SPIDR: variants seen among roughly 807,000 people sequenced by gnomAD.
SPIDR encodes DNA repair-scaffolding protein.
Under a neutral mutation model 104.6 loss-of-function variants are expected in SPIDR, and 93 were observed. The observed-to-expected ratio is 0.89, with a 90% CI of 0.75 to 1.06. The LOEUF is 1.06. Ranked by LOEUF, SPIDR falls within the 50% of genes least tolerant of loss-of-function variation. SPIDR has a pLI of 0.00. For missense variants in SPIDR, 1,154 were observed against 1,111.2 expected (o/e 1.04, Z -0.55); for synonymous variants, 431 against 416.9 (o/e 1.03, Z -0.41).
At chr8:47,612,698 A>G (rs2063755217) in intron 10 of SPIDR, among the ~76,000 whole-genome samples, 1 of 152,356 alleles carries the variant, frequency 6.6e-6, no homozygotes, top group South Asian at 2.1e-4. Context: ...ATGAAGCCAC[A>G]TACCTGTGAG....
At chr8:47,423,303 A>C (rs1263870578) in intron 7 of SPIDR, among the ~76,000 whole-genome samples, 3 of 151,898 alleles carry the variant, frequency 2.0e-5, no homozygotes, top group African/African-American at 7.3e-5. Flanking sequence ...TCTCAAAAAA[A>C]AAAAAAAAAT....
Position 47,299,410 on chromosome 8 carries a change from A to G in SPIDR, c.525+5380A>G, listed in dbSNP as rs1363717642. On this transcript the variant is annotated intron_variant, in intron 5 of 19. Transcript: ENST00000297423. ...GTCATCTGCAAACAGGGACAATTTGACTTCCTCTTTTCCTAATTGAATACC... is the reference window on the plus strand; with the variant it reads ...GTCATCTGCAAACAGGGACAATTTGGCTTCCTCTTTTCCTAATTGAATACC... 6.6e-5 allele frequency among the ~76,000 whole-genome samples: 10 copies of G among 152,226 alleles called. No homozygotes were observed. The East Asian group carries it at 1.7e-3, about 26-fold the overall frequency.
intron 10 of SPIDR, among the ~76,000 whole-genome samples, chr8:47,609,437 G>A (rs939991321): frequency 6.6e-6 from 1 of 152,138 alleles, no homozygotes; most frequent in Non-Finnish European, 1.5e-5. Flanking sequence ...CAACATTGTG[G>A]GTTGGACCCT....
At chr8:47,626,097 A>G (rs1230595850) in intron 10 of SPIDR, among the ~76,000 whole-genome samples, 2 of 152,186 alleles carry the variant, frequency 1.3e-5, no homozygotes, top group Admixed American at 1.3e-4. Flanking sequence ...ATCTACAACT[A>G]TCTGATCTTT....
At chr8:47,371,578 C>T (rs2058031841) in intron 5 of SPIDR, among the ~76,000 whole-genome samples, 1 of 152,098 alleles carries the variant, frequency 6.6e-6, no homozygotes, top group South Asian at 2.1e-4. Flanking sequence ...TTATAAAGCT[C>T]CACTCTCATG....
chr8:47,293,112 G>T (rs956988018), intron 4 of SPIDR, among the ~76,000 whole-genome samples: 1 of 151,846 alleles, frequency 6.6e-6, no homozygotes, highest in African/African-American at 2.4e-5. Flanking sequence ...TCTGACCTTC[G>T]GTCTGTTATG....
In SPIDR at chr8:47,297,035, A is replaced by G. The variant is rs910519412; in HGVS notation, c.525+3005A>G. On this transcript the variant is annotated intron_variant, in intron 5 of 19. Transcript: ENST00000297423. ...TCTTAATTTCTTTTTCAGGTACTTC[A>G]TTCTTAGAATAGAGAAACACTGTAG... Among the ~76,000 whole-genome samples the G allele has an allele frequency of 2.2e-4, 33 of 152,278 alleles. No individual in the cohort carries two copies. In the East Asian group the frequency reaches 6.4e-3, roughly 29 times the overall value.
chr8:47,418,416 T>G (rs1447259903), intron 7 of SPIDR, among the ~76,000 whole-genome samples: 2 of 152,192 alleles, frequency 1.3e-5, no homozygotes, highest in Non-Finnish European at 2.9e-5. Flanking sequence ...AGGATGTGGC[T>G]CTCTGTTTGT....
chr8:47,596,163 T>TA (rs2061599879), intron 9 of SPIDR, among the ~76,000 whole-genome samples, 157 bp downstream of exon 9: 1 of 152,234 alleles, frequency 6.6e-6, no homozygotes, highest in Non-Finnish European at 1.5e-5. Flanking sequence ...TACGCCTGAA[T>TA]ATATTATAGT....
At chr8:47,376,281 G>A (rs10085921) in intron 5 of SPIDR, among the ~76,000 whole-genome samples, 59 of 152,250 alleles carry the variant, frequency 3.9e-4, no homozygotes, top group Admixed American at 1.1e-3. Context: ...AGCCTCAATT[G>A]CTTGCAAGGA....
intron 8 of SPIDR, among the ~76,000 whole-genome samples, chr8:47,539,233 C>T (rs966492203): frequency 6.6e-6 from 1 of 152,106 alleles, no homozygotes; most frequent in Non-Finnish European, 1.5e-5. Context: ...CGTTACTGCA[C>T]TAGCGGAGAT....
intron 5 of SPIDR, among the ~76,000 whole-genome samples, chr8:47,311,669 C>G (rs2044186054): frequency 6.6e-6 from 1 of 151,568 alleles, no homozygotes; most frequent in South Asian, 2.1e-4. Context: ...AGAAAAAAAT[C>G]TTGAAAGCAC....
At chr8:47,321,123 G>T (rs1352100284) in intron 5 of SPIDR, among the ~76,000 whole-genome samples, 1 of 152,088 alleles carries the variant, frequency 6.6e-6, no homozygotes, top group Non-Finnish European at 1.5e-5. Flanking sequence ...GAAATAAAGG[G>T]TATTCAATTA....
chr8:47,580,788 A>G (rs1050569085), intron 8 of SPIDR, among the ~76,000 whole-genome samples: 2 of 152,174 alleles, frequency 1.3e-5, no homozygotes, highest in African/African-American at 4.8e-5. Context: ...GTAAATGTGA[A>G]TGTGTGTTTA....
At chr8:47,389,507 G>A (rs977673178) in intron 5 of SPIDR, among the ~76,000 whole-genome samples, 4 of 151,962 alleles carry the variant, frequency 2.6e-5, no homozygotes, top group Admixed American at 6.6e-5. Context: ...GGCTAACACG[G>A]TGAAACCCCG....
intron 7 of SPIDR, among the ~76,000 whole-genome samples, chr8:47,431,038 C>G (rs1554688861): frequency 6.6e-6 from 1 of 152,158 alleles, no homozygotes; most frequent in Non-Finnish European, 1.5e-5. Flanking sequence ...TCACAAAATC[C>G]CACAGACTGT....
intron 1 of SPIDR, among the ~76,000 whole-genome samples, chr8:47,269,607 C>G (rs2034866867): frequency 6.6e-6 from 1 of 151,666 alleles, no homozygotes; most frequent in Middle Eastern, 3.2e-3. Flanking sequence ...AAATACCATG[C>G]TGTCTGTCAG....
At chr8:47,687,262 T>G (rs1010168097) in intron 11 of SPIDR, among the ~76,000 whole-genome samples, 1 of 151,832 alleles carries the variant, frequency 6.6e-6, no homozygotes, top group African/African-American at 2.4e-5. Context: ...AGAATTAACA[T>G]AAATTATAAC....
intron 5 of SPIDR, among the ~76,000 whole-genome samples, chr8:47,390,504 A>G (rs1410484413): frequency 2.0e-5 from 3 of 152,002 alleles, no homozygotes; most frequent in Non-Finnish European, 2.9e-5. Flanking sequence ...AAAGCAGATA[A>G]TAATGAAATG....
Sources: allele counts gnomAD v4.1 joint callset (sites outside exome capture counted in the v4.1 genomes callset), GRCh38; gene constraint gnomAD v4.1.1; transcripts MANE v1.5; gene names NCBI Gene and HGNC (gene_info 2026-07-23, HGNC 2026-07-21).